Variants in CPLX2 observed in about 807,000 individuals in gnomAD.
The protein encoded by CPLX2 is complexin-2.
A neutral mutation model predicts 16.3 loss-of-function variants in CPLX2; 5 were observed. That is an observed-to-expected ratio of 0.31 (90% confidence interval 0.16 to 0.64). CPLX2 has a LOEUF of 0.64. Among genes scored for constraint, CPLX2 ranks in the 30% least tolerant of loss-of-function variants. CPLX2 has a pLI of 0.79. For missense variants in CPLX2, 144 were observed against 181.4 expected, an observed-to-expected ratio of 0.79 and a Z score of 1.18; for synonymous variants, 89 against 73.2, an observed-to-expected ratio of 1.22 and a Z score of -1.10.
At chr5:175,826,167 G>A (rs1202408128) in intron 2 of CPLX2, among the ~76,000 whole-genome samples, 1 of 152,072 alleles carries the variant, frequency 6.6e-6, no homozygotes, top group African/African-American at 2.4e-5. Flanking sequence ...CAGGGTGGGC[G>A]CCACTGACTG....
intron 2 of CPLX2, among the ~76,000 whole-genome samples, chr5:175,864,054 G>A (rs1306594561): frequency 6.6e-6 from 1 of 152,212 alleles, no homozygotes; most frequent in Non-Finnish European, 1.5e-5. Flanking sequence ...CTCCAGAAGA[G>A]AATGCTATGC....
upstream of CPLX2, among the ~76,000 whole-genome samples, chr5:175,870,346 C>T (rs936922891): frequency 1.3e-5 from 2 of 152,114 alleles, no homozygotes; most frequent in African/African-American, 4.8e-5. Context: ...CTGCTGTGAT[C>T]GTGTGTGAAG....
rs1357911143 is a variant in CPLX2, at chr5:175,809,541, C to T, written c.-89+473C>T. On this transcript the variant is annotated intron_variant, in intron 2 of 4. Coordinates refer to the CPLX2 transcript ENST00000359546. The surrounding 1 kb of genome is among the most constrained non-coding windows in gnomAD (Gnocchi z 4.4). Reference sequence around the variant, plus strand: ...ATGGAAAGGCAGGGCTGGGCTGGCACTTGGCTCTCTTGTCACTGTCAGATC... The same window carrying T: ...ATGGAAAGGCAGGGCTGGGCTGGCATTTGGCTCTCTTGTCACTGTCAGATC... 1.3e-5 allele frequency: 2 copies of T among 152,358 alleles called. No individual in the cohort carries two copies. The highest frequency in any genetic ancestry group is 2.9e-5 in the Non-Finnish European group (2 of 68,180). 9.4% of individuals were successfully genotyped at this position (152,358 alleles called of 1,614,324 possible).
chr5:175,879,497 T>C (rs554143326), intron 3 of CPLX2, among the ~76,000 whole-genome samples: 1 of 152,346 alleles, frequency 6.6e-6, no homozygotes, highest in East Asian at 1.9e-4. Context: ...GTGCGTGCAA[T>C]AAATAAAGGC....
At chr5:175,874,189 GGA>G (rs2113709468) in intron 1 of CPLX2, among the ~76,000 whole-genome samples, 1 of 152,312 alleles carries the variant, frequency 6.6e-6, no homozygotes, top group African/African-American at 2.4e-5. Context: ...GAGAGCTGAG[GGA>G]GAGACAGTTA....
chr5:175,844,396 C>T (rs375440540), intron 2 of CPLX2, among the ~76,000 whole-genome samples: 2 of 152,236 alleles, frequency 1.3e-5, no homozygotes, highest in East Asian at 1.9e-4. Flanking sequence ...CTACTGTGTA[C>T]CAGGCACTGC....
intron 1 of CPLX2, among the ~76,000 whole-genome samples, chr5:175,802,063 A>G (rs1758106311): frequency 6.6e-6 from 1 of 152,244 alleles, no homozygotes; most frequent in Non-Finnish European, 1.5e-5. Flanking sequence ...TTGTCCCATC[A>G]TTGCATCCTC....
intron 2 of CPLX2, among the ~76,000 whole-genome samples, chr5:175,850,406 C>G (rs1411197692): frequency 1.3e-5 from 2 of 152,144 alleles, no homozygotes; most frequent in Non-Finnish European, 2.9e-5. Context: ...CAGGGAGCCT[C>G]CAGAGGTTCC....
At chr5:175,841,212 C>G (rs986920515) in intron 2 of CPLX2, among the ~76,000 whole-genome samples, 1 of 152,178 alleles carries the variant, frequency 6.6e-6, no homozygotes, top group African/African-American at 2.4e-5. Context: ...TACATCTCAG[C>G]CCACTCCAGT....
intron 2 of CPLX2, among the ~76,000 whole-genome samples, chr5:175,811,876 C>T (rs997840773): frequency 4.6e-5 from 7 of 152,186 alleles, no homozygotes; most frequent in African/African-American, 1.7e-4. Context: ...TCTGCCAGGA[C>T]CTTTTCATAT....
chr5:175,827,057 T>C (rs1398975459), intron 2 of CPLX2, among the ~76,000 whole-genome samples: 2 of 152,154 alleles, frequency 1.3e-5, no homozygotes, highest in Non-Finnish European at 2.9e-5. Flanking sequence ...GCTCCAGACT[T>C]ACATCCCCAC....
intron 1 of CPLX2, among the ~76,000 whole-genome samples, chr5:175,808,339 C>T (rs1758250265): frequency 6.6e-6 from 1 of 152,128 alleles, no homozygotes; most frequent in Admixed American, 6.5e-5. Flanking sequence ...CTGGCACCTA[C>T]AATCTGCCCG....
At chr5:175,801,018 G>A (rs1244704509) in intron 1 of CPLX2, among the ~76,000 whole-genome samples, 1 of 152,170 alleles carries the variant, frequency 6.6e-6, no homozygotes, top group African/African-American at 2.4e-5. Context: ...GAGGTGGAGT[G>A]AGTGAGGGGA....
At chr5:175,848,771 G>A (rs948435488) in intron 2 of CPLX2, among the ~76,000 whole-genome samples, 1 of 152,166 alleles carries the variant, frequency 6.6e-6, no homozygotes, top group African/African-American at 2.4e-5. Context: ...TTGGGGAAGG[G>A]ACATTCAAGC....
At chr5:175,819,917 A>C (rs559915696) in intron 2 of CPLX2, among the ~76,000 whole-genome samples, 1 of 152,358 alleles carries the variant, frequency 6.6e-6, no homozygotes, top group Admixed American at 6.5e-5. Flanking sequence ...AGGAAGGTGA[A>C]GAAGCAGCTA....
At chr5:175,804,682 C>G (rs1274135345) in intron 1 of CPLX2, among the ~76,000 whole-genome samples, 4 of 152,216 alleles carry the variant, frequency 2.6e-5, no homozygotes, top group Non-Finnish European at 5.9e-5. Flanking sequence ...GGCATTGAAT[C>G]AGAACCTGTG....
upstream of CPLX2, among the ~76,000 whole-genome samples, chr5:175,869,457 T>TCC (rs1277366359): frequency 4.6e-5 from 7 of 152,094 alleles, no homozygotes; most frequent in African/African-American, 1.7e-4. Flanking sequence ...CAGTTCTTCC[T>TCC]CTCAGAGCTT....
At chr5:175,874,107 T>C (rs59601705) in intron 1 of CPLX2, among the ~76,000 whole-genome samples, 10,574 of 152,232 alleles carry the variant, frequency 0.069, 576 homozygotes, top group East Asian at 0.15. Flanking sequence ...TGGGGAGCCA[T>C]TGCAGGGTGT....
At chr5:175,871,344 C>CGGGAGGGA, upstream of CPLX2, among the ~76,000 whole-genome samples, 1 of 88,916 alleles carries the variant, frequency 1.1e-5, no homozygotes, top group Admixed American at 1.5e-4. Flanking sequence ...GAGAAGGAGA[C>CGGGAGGGA]GGGAGGGAGG....
Sources: allele counts gnomAD v4.1 joint callset (sites outside exome capture counted in the v4.1 genomes callset), GRCh38; gene constraint gnomAD v4.1.1; non-coding constraint Gnocchi (gnomAD v3.1); transcripts MANE v1.5; gene names NCBI Gene and HGNC (gene_info 2026-07-23, HGNC 2026-07-21).